The following LONP2 variants were observed in gnomAD, a reference collection of about 807,000 sequenced individuals.
LONP2 encodes the protein lon peptidase 2, peroxisomal.
In LONP2, 60 loss-of-function variants were observed where a neutral mutation model predicts 85.6. The observed-to-expected ratio is 0.70, with a 90% CI of 0.57 to 0.87. LONP2 has a LOEUF of 0.87. Ranked by LOEUF, LONP2 falls within the 40% of genes least tolerant of loss-of-function variation. LONP2 has a pLI of 0.00. For missense variants in LONP2, 860 were observed against 1,063.5 expected (o/e 0.81, Z 2.66); for synonymous variants, 395 against 389.7 (o/e 1.01, Z -0.16).
At chr16:48,278,901 C>A (rs1289933437) in intron 8 of LONP2, among the ~76,000 whole-genome samples, 3 of 151,954 alleles carry the variant, frequency 2.0e-5, no homozygotes, top group African/African-American at 7.2e-5. Context: ...CTTATCTTTT[C>A]TCTCCTATTA....
At chr16:48,289,160 C>T (rs1378982732) in intron 8 of LONP2, among the ~76,000 whole-genome samples, 2 of 152,086 alleles carry the variant, frequency 1.3e-5, no homozygotes, top group Non-Finnish European at 2.9e-5. Flanking sequence ...GCTCTGTGAA[C>T]CCGGAAAATT....
chr16:48,344,298 C>T (rs1959900793), intron 12 of LONP2: 1 of 152,136 alleles, frequency 6.6e-6, no homozygotes, highest in Non-Finnish European at 1.5e-5. Flanking sequence ...AATTGTAGGT[C>T]CTTTGCTTCT....
chr16:48,351,399 T>C (rs1463598855), intron 14 of LONP2, among the ~76,000 whole-genome samples, 182 bp from the exon 15 acceptor site: 1 of 152,148 alleles, frequency 6.6e-6, no homozygotes, highest in Admixed American at 6.5e-5. Context: ...AATTGAAACA[T>C]TAAAAAAAGG....
intron 12 of LONP2, among the ~76,000 whole-genome samples, chr16:48,340,033 C>G (rs1449094012): frequency 1.3e-5 from 2 of 152,196 alleles, no homozygotes; most frequent in Non-Finnish European, 2.9e-5. Context: ...CATGCCTTCA[C>G]TGAAGACACC....
chr16:48,273,054 G>A lies in LONP2; in HGVS notation c.1241+2780G>A, dbSNP rs373979346. On this transcript the variant is annotated intron_variant, in intron 7 of 14. Transcript: ENST00000285737. ...TTTGGGAGACAACCCAGGTCTTGAC[G>A]TTTGAGTACCGGTCACATGCTCACA... Among the ~76,000 whole-genome samples, 7 of 152,252 alleles carry A rather than the reference G, an allele frequency of 4.6e-5. No individual in the cohort carries two copies. In the South Asian group the frequency reaches 1.2e-3, roughly 27 times the overall value.
At chr16:48,266,028 A>G (rs1435115757) in intron 6 of LONP2, among the ~76,000 whole-genome samples, 1 of 151,794 alleles carries the variant, frequency 6.6e-6, no homozygotes, top group Non-Finnish European at 1.5e-5. Context: ...TTTTGACAGG[A>G]GTTTCACTCT....
chr16:48,361,529 T>C, downstream of LONP2: 1 of 1,587,142 alleles, frequency 6.3e-7, no homozygotes, highest in Non-Finnish European at 8.6e-7. Context: ...TGCCTTATTT[T>C]CTGTGAAACT....
chr16:48,309,352 C>T (rs1406153630), intron 11 of LONP2, among the ~76,000 whole-genome samples: 1 of 152,100 alleles, frequency 6.6e-6, no homozygotes, highest in Non-Finnish European at 1.5e-5. Flanking sequence ...CACATATGTT[C>T]GTTTTATCTG....
intron 10 of LONP2, among the ~76,000 whole-genome samples, chr16:48,301,604 C>T (rs1300957877): frequency 2.0e-5 from 3 of 151,620 alleles, no homozygotes; most frequent in African/African-American, 7.3e-5. Context: ...CACTGCACTC[C>T]AGCCTGGGCA....
chr16:48,277,801 G>A (rs1479008701), intron 8 of LONP2, among the ~76,000 whole-genome samples: 2 of 151,058 alleles, frequency 1.3e-5, no homozygotes, highest in African/African-American at 4.9e-5. Context: ...TCTCCCTGGG[G>A]TCCCCCATGC....
chr16:48,258,719 C>G lies in LONP2; in HGVS notation c.702C>G (p.Pro234=). ...GLKLLQKTRK[P]KQDDDKRVIA... ...AATTGCTTCAAAAAACCAGAAAACC[C>G]AAGCAAGATGATGATAAGAGGGTAA... Residue 234 remains proline (P), a synonymous_variant, in exon 4 of 15, where the codon CCC becomes CCG. Transcript: ENST00000285737. 1.2e-6 allele frequency: 2 copies of G among 1,610,132 alleles called. No individual in the cohort carries two copies.
rs75580872 is a variant in LONP2 at position 48,321,499 on chromosome 16, C to T, written c.1796-12717C>T. Among the ~76,000 whole-genome samples, 1,262 of 152,286 alleles carry T rather than the reference C, an allele frequency of 8.3e-3. 18 individuals carry two copies. Among genetic ancestry groups the T allele is most frequent in the African/African-American group, 0.029 (1,210 of 41,568 alleles). Reference sequence around the variant, plus strand: ...AGTCAGCTAGCATTTACTGAATAGTCATATGCGTTGCTTAATGATGGGGAT... The same window carrying T: ...AGTCAGCTAGCATTTACTGAATAGTTATATGCGTTGCTTAATGATGGGGAT... On this transcript the variant is annotated intron_variant, in intron 11 of 14. Coordinates refer to ENST00000285737, the MANE Select transcript of LONP2 (RefSeq NM_031490.5).
At chr16:48,293,303 C>G (rs980299919) in intron 8 of LONP2, among the ~76,000 whole-genome samples, 1 of 152,108 alleles carries the variant, frequency 6.6e-6, no homozygotes, top group Non-Finnish European at 1.5e-5. Flanking sequence ...TGGCGGGCGC[C>G]TGTAGTCCCA....
At chr16:48,302,005 G>A (rs1260792882) in intron 10 of LONP2, among the ~76,000 whole-genome samples, 1 of 152,162 alleles carries the variant, frequency 6.6e-6, no homozygotes, top group Non-Finnish European at 1.5e-5. Flanking sequence ...TGAACACAGT[G>A]TTTCAGATAG....
intron 12 of LONP2, among the ~76,000 whole-genome samples, chr16:48,339,306 T>G (rs1045932976): frequency 6.6e-6 from 1 of 152,160 alleles, no homozygotes; most frequent in Non-Finnish European, 1.5e-5. Flanking sequence ...TGTTTACTGT[T>G]TGAGAGATCA....
In LONP2 at chr16:48,283,723, A is replaced by G. The variant is rs1289505167; in HGVS notation, c.1383+6244A>G. The stretch of plus-strand genomic sequence containing the variant: ...GATGGAGATGTACAAGGAGATTAAT[A>G]CTGTTTTCATTCCTTATAAAACAAC... On this transcript the variant is annotated intron_variant, in intron 8 of 14. Coordinates refer to ENST00000285737, the MANE Select transcript of LONP2 (RefSeq NM_031490.5). Among the ~76,000 whole-genome samples the G allele has an allele frequency of 2.6e-5, 4 of 152,334 alleles. No homozygotes were observed. In the South Asian group the frequency reaches 6.2e-4, roughly 24 times the overall value.
At chr16:48,318,984 T>C (rs567795303) in intron 11 of LONP2, among the ~76,000 whole-genome samples, 28 of 152,316 alleles carry the variant, frequency 1.8e-4, no homozygotes, top group African/African-American at 6.7e-4. Context: ...TCAGCTTTTT[T>C]TTTTTTTGAC....
In LONP2 at chr16:48,258,276, G is replaced by A. The variant is rs376464871; in HGVS notation, c.601-342G>A. Reference sequence around the variant, plus strand: ...GCAGGAGAATGACGTGAACCCAGGAGGGGGAGCTTGCACTGAGCCAAGATC... The same window carrying A: ...GCAGGAGAATGACGTGAACCCAGGAAGGGGAGCTTGCACTGAGCCAAGATC... On this transcript the variant is annotated intron_variant, in intron 3 of 14. Coordinates refer to ENST00000285737, the MANE Select transcript of LONP2 (RefSeq NM_031490.5). Among the ~76,000 whole-genome samples the A allele has an allele frequency of 1.3e-4, 19 of 151,796 alleles. No homozygotes were observed. In the South Asian group the frequency reaches 3.5e-3, roughly 28 times the overall value.
At chr16:48,334,500 T>A in intron 12 of LONP2, 142 bp downstream of exon 12, 1 of 1,028,722 alleles carries the variant, frequency 9.7e-7, no homozygotes, top group Non-Finnish European at 1.5e-6. Context: ...GGACGCAGGT[T>A]GTTGGTGTGG....
Sources: allele counts gnomAD v4.1 joint callset (sites outside exome capture counted in the v4.1 genomes callset), GRCh38; gene constraint gnomAD v4.1.1; transcripts MANE v1.5; gene names NCBI Gene and HGNC (gene_info 2026-07-23, HGNC 2026-07-21).